The following GALNT3 variants were observed in gnomAD, a reference collection of about 807,000 sequenced individuals.
GALNT3 encodes the protein GalNAc transferase 3.
A neutral mutation model predicts 69.8 loss-of-function variants in GALNT3; 51 were observed. The ratio of observed to expected loss-of-function variants is 0.73; its 90% CI spans 0.58 to 0.92. The LOEUF (loss-of-function observed/expected upper bound fraction) is 0.92, where lower values mean the gene tolerates loss of function less well. Among genes scored for constraint, GALNT3 ranks in the 40% least tolerant of loss-of-function variants. The pLI is 0.00. For synonymous variants in GALNT3, 265 were observed against 248.5 expected (o/e 1.07, Z -0.63); for missense variants, 711 against 760.0 (o/e 0.94, Z 0.76).
chr2:165,765,016 T>C lies in GALNT3; in HGVS notation c.556A>G (p.Thr186Ala). 1 of 1,614,194 alleles carries C rather than the reference T, an allele frequency of 6.2e-7. No individual in the cohort carries two copies. The highest frequency in any genetic ancestry group is 8.5e-7 in the Non-Finnish European group (1 of 1,180,028). The change falls in exon 3 of 11, where the codon ACC becomes GCC. Residue 186 changes from threonine to alanine, a missense_variant. Physicochemically the swap from Thr to Ala is moderately conservative, Grantham distance 58 (BLOSUM62 0). Coordinates refer to ENST00000392701, the MANE Select transcript of GALNT3 (RefSeq NM_004482.4). ...TGAAAAACTATTATGACACTGGTGG[T>C]GGGCAGGGGAGGGCAGCGCTTAAAT... Reference protein sequence around the residue: ...QKFKRCPPLPTTSVIIVFHNE... With the variant: ...QKFKRCPPLPATSVIIVFHNE...
intron 1 of GALNT3, among the ~76,000 whole-genome samples, chr2:165,782,174 G>T (rs1298859037): frequency 2.0e-5 from 3 of 152,054 alleles, no homozygotes; most frequent in Non-Finnish European, 4.4e-5. Flanking sequence ...TTTCCTCAGG[G>T]ATATGTTATT....
Position 165,770,344 on chromosome 2 carries a change from A to G in GALNT3, c.357T>C (p.Asn119=), listed in dbSNP as rs753039080. Reference sequence around the variant, plus strand: ...ATGCTTTACCAGAAGCACCAGGTGCATTTGAATCCTGAGGTGGACGGTCAA... The same window carrying G: ...ATGCTTTACCAGAAGCACCAGGTGCGTTTGAATCCTGAGGTGGACGGTCAA... ...PVLDRPPQDS[N]APGASGKAFK... Residue 119 remains asparagine, a synonymous_variant, in exon 2 of 11, where the codon AAT becomes AAC. Transcript: ENST00000392701. The G allele has an allele frequency of 6.2e-7, 1 of 1,614,202 alleles. No individual in the cohort carries two copies. The highest frequency in any genetic ancestry group is 1.1e-5 in the South Asian group (1 of 91,078).
chr2:165,771,779 A>G (rs1688757934), intron 1 of GALNT3: 1 of 152,194 alleles, frequency 6.6e-6, no homozygotes, highest in African/African-American at 2.4e-5. Context: ...ATTTATAGCA[A>G]TGAAAATTAA....
rs1688301124 is a variant in GALNT3 at position 165,748,597 on chromosome 2, G to A, written c.*184C>T. ...AGTCTTTGGTATTACTAGTTATTGT[G>A]CTTTGAAACAGAAACTTGCAGAATT... On this transcript the variant is annotated 3_prime_UTR_variant, in exon 11 of 11. Coordinates refer to ENST00000392701, the MANE Select transcript of GALNT3 (RefSeq NM_004482.4). The A allele has an allele frequency of 3.3e-6, 2 of 597,318 alleles. No individual in the cohort carries two copies. 37.0% of individuals were successfully genotyped at this position (597,318 alleles called of 1,614,324 possible). A position where few individuals can be genotyped will look rare whatever the true frequency, so the allele number is the denominator to read the frequency against.
At chr2:165,762,834 C>T (rs969281242) in intron 3 of GALNT3, among the ~76,000 whole-genome samples, 2 of 152,156 alleles carry the variant, frequency 1.3e-5, no homozygotes, top group Non-Finnish European at 2.9e-5. Flanking sequence ...CTTGCTCTGT[C>T]GCCCAGGGTG....
chr2:165,763,344 C>G (rs1220834532), intron 3 of GALNT3, among the ~76,000 whole-genome samples: 1 of 151,818 alleles, frequency 6.6e-6, no homozygotes, highest in Non-Finnish European at 1.5e-5. Context: ...TTTCAATTCT[C>G]CAGTGGTTCA....
intron 1 of GALNT3, among the ~76,000 whole-genome samples, chr2:165,784,110 G>C (rs1474711328): frequency 6.6e-6 from 1 of 152,114 alleles, no homozygotes; most frequent in South Asian, 2.1e-4. Flanking sequence ...GCCTCAAGTA[G>C]GGTAATTTTA....
In GALNT3 at chr2:165,770,275, T is replaced by C. The variant is rs200856137; in HGVS notation, c.426A>G (p.Glu142=). ...NLSVEEQKEK[E]RGEAKHCFNA... ...TAAAGCAGTGTTTAGCTTCCCCACGTTCCTTTTCCTTTTGCTCTTCAACAC... is the reference window on the plus strand; with the variant it reads ...TAAAGCAGTGTTTAGCTTCCCCACGCTCCTTTTCCTTTTGCTCTTCAACAC... The change falls in exon 2 of 11, where the codon GAA becomes GAG. Residue 142 remains glutamate (E), a synonymous_variant. Transcript: ENST00000392701. 30 of 1,614,190 alleles carry C rather than the reference T, an allele frequency of 1.9e-5. No homozygotes were observed. The East Asian group carries it at 5.6e-4, about 30-fold the overall frequency.
intron 1 of GALNT3, among the ~76,000 whole-genome samples, chr2:165,785,735 A>G (rs1225619031): frequency 6.6e-6 from 1 of 152,202 alleles, no homozygotes; most frequent in Non-Finnish European, 1.5e-5. Context: ...CAGAGATGTC[A>G]GCAAAAAGAA....
chr2:165,782,311 TAGA>T (rs753801509), intron 1 of GALNT3, among the ~76,000 whole-genome samples: 31 of 151,774 alleles, frequency 2.0e-4, no homozygotes, highest in Admixed American at 4.6e-4. Context: ...TGGGCCACAT[TAGA>T]AGAAGAAGGA....
Position 165,748,776 on chromosome 2 carries a change from A to C in GALNT3, c.*5T>G. On this transcript the variant is annotated 3_prime_UTR_variant, in exon 11 of 11. Transcript: ENST00000392701. ...TTCCTTTTTCAACTTAATTTTAAGG[A>C]ACACTTAATCATTTTGGCTAAGTAT... 1 of 1,607,568 alleles carries C rather than the reference A, an allele frequency of 6.2e-7. No individual in the cohort carries two copies. Among genetic ancestry groups the C allele is most frequent in the Non-Finnish European group, 8.5e-7 (1 of 1,176,054 alleles).
intron 1 of GALNT3, among the ~76,000 whole-genome samples, chr2:165,775,265 T>A (rs1688827104): frequency 6.6e-6 from 1 of 152,102 alleles, no homozygotes; most frequent in Non-Finnish European, 1.5e-5. Context: ...GAAAAAAAAC[T>A]GAGGAAAAAC....
chr2:165,753,804 A>G (rs374300980), intron 9 of GALNT3, among the ~76,000 whole-genome samples: 17 of 152,248 alleles, frequency 1.1e-4, no homozygotes, highest in African/African-American at 4.1e-4. Context: ...CAGGTATGTC[A>G]CTAATCAAGG....
intron 1 of GALNT3, among the ~76,000 whole-genome samples, chr2:165,790,336 T>C (rs867339160): frequency 6.6e-6 from 1 of 152,180 alleles, no homozygotes. Flanking sequence ...AATAAGTGAA[T>C]GTACTTTTGT....
chr2:165,790,845 G>C (rs1269788610), intron 1 of GALNT3, among the ~76,000 whole-genome samples: 1 of 151,940 alleles, frequency 6.6e-6, no homozygotes, highest in Non-Finnish European at 1.5e-5. Context: ...AAAAAGAAAA[G>C]CATTAAATAT....
chr2:165,769,989 C>G, intron 2 of GALNT3, 197 bp downstream of exon 2: 1 of 654,796 alleles, frequency 1.5e-6, no homozygotes, highest in South Asian at 1.7e-5. Context: ...CATATCTGCA[C>G]TGCCTCACCA....
chr2:165,775,300 A>G lies in GALNT3; in HGVS notation c.-108-4492T>C, dbSNP rs959696736. Reference sequence around the variant, plus strand: ...CCATAAAAACTACAAATAGCTTCCTATCATTGGGTAATATTTTACAAATAA... The same window carrying G: ...CCATAAAAACTACAAATAGCTTCCTGTCATTGGGTAATATTTTACAAATAA... On this transcript the variant is annotated intron_variant, in intron 1 of 10. Transcript: ENST00000392701. Among the ~76,000 whole-genome samples, 32 of 152,220 alleles carry G rather than the reference A, an allele frequency of 2.1e-4. 1 individual carries two copies. The highest frequency in any genetic ancestry group is 2.0e-4 in the Admixed American group (3 of 15,276).
At chr2:165,770,837 G>T in intron 1 of GALNT3, 29 bp from the exon 2 acceptor site, 1 of 935,556 alleles carries the variant, frequency 1.1e-6, no homozygotes, top group Non-Finnish European at 1.6e-6. Context: ...GATGGTATTA[G>T]TAGCTATTCA....
rs191519950 is a variant in GALNT3, at chr2:165,770,109, T to C, written c.515+77A>G. 925 of 1,546,892 alleles carry C rather than the reference T, an allele frequency of 6.0e-4. 12 individuals carry two copies. Among genetic ancestry groups the C allele is most frequent in the East Asian group, 3.3e-3 (146 of 43,790 alleles). ...TGCCTTAGAGTAGCTAAAAAACAGA[T>C]AACTTCCTTAGCTCACCCCTCTCTC... On this transcript the variant is annotated intron_variant, in intron 2 of 10. Transcript: ENST00000392701.
Sources: gnomAD v4.1 joint callset for allele counts (sites outside exome capture counted in the v4.1 genomes callset) on GRCh38, gnomAD v4.1.1 for gene constraint, MANE v1.5 for transcripts, NCBI Gene and HGNC (gene_info 2026-07-23, HGNC 2026-07-21) for gene names.